Variants in CD164 observed in about 807,000 individuals in gnomAD.
The protein encoded by CD164 is sialomucin core protein 24.
A neutral mutation model predicts 24.6 loss-of-function variants in CD164; 11 were observed. The observed-to-expected ratio is 0.45, with a 90% CI of 0.28 to 0.74. CD164 has a LOEUF of 0.74. CD164 is among the 30% of genes least tolerant of loss of function. CD164 has a pLI of 0.13. For synonymous variants in CD164, 126 were observed against 100.3 expected, an observed-to-expected ratio of 1.26 and a Z score of -1.53; for missense variants, 295 against 243.7, an observed-to-expected ratio of 1.21 and a Z score of -1.40.
chr6:109,381,289 T>C (rs1038817189), intron 1 of CD164, among the ~76,000 whole-genome samples: 6 of 151,306 alleles, frequency 4.0e-5, no homozygotes, highest in African/African-American at 1.5e-4. Flanking sequence ...CCTATGCGAC[T>C]GCACATAACA....
chr6:109,368,034 G>C lies in CD164; in HGVS notation c.*817C>G. The C allele has an allele frequency of 3.3e-6, 1 of 307,230 alleles. No homozygotes were observed. The highest frequency in any genetic ancestry group is 5.4e-5 in the East Asian group (1 of 18,510). 19.0% of individuals were successfully genotyped at this position (307,230 alleles called of 1,614,324 possible). ...AACAGACTTTAGCTTAAGTTTCTCC[G>C]CTCTGAAATAAATTTTCAATAAAAT... On this transcript the variant is annotated 3_prime_UTR_variant, in exon 6 of 6. Transcript: ENST00000310786.
intron 3 of CD164, 40 bp from the exon 4 acceptor site, chr6:109,376,152 G>A (rs1378770684): frequency 6.9e-7 from 1 of 1,459,506 alleles, no homozygotes; most frequent in Non-Finnish European, 9.2e-7. Flanking sequence ...ATACATCAAA[G>A]CTATTTAAAA....
At chr6:109,377,685 CACTT>C (rs1442810968) in intron 3 of CD164, among the ~76,000 whole-genome samples, 3 of 150,416 alleles carry the variant, frequency 2.0e-5, no homozygotes, top group African/African-American at 7.3e-5. Context: ...AACGCATCCA[CACTT>C]ACAGCATCCA....
Position 109,376,054 on chromosome 6 carries a change from A to C in CD164, c.370+20T>G. On this transcript the variant is annotated intron_variant, in intron 4 of 5. Coordinates refer to ENST00000310786, the MANE Select transcript of CD164 (RefSeq NM_006016.6). ...TAAAAATACTGAAGGAAAAGGAAGA[A>C]AACAGTCATCTTGAATTACCTGTAG... 1.3e-6 allele frequency: 2 copies of C among 1,552,262 alleles called. No individual in the cohort carries two copies. The highest frequency in any genetic ancestry group is 1.7e-6 in the Non-Finnish European group (2 of 1,153,834).
chr6:109,376,046 A>T, intron 4 of CD164, 28 bp downstream of exon 4: 1 of 1,535,466 alleles, frequency 6.5e-7, no homozygotes, highest in Non-Finnish European at 8.8e-7. Context: ...ACTGAAGGAA[A>T]AGGAAGAAAA....
intron 1 of CD164, chr6:109,379,927 C>G (rs1164294519): frequency 4.2e-5 from 12 of 287,914 alleles, no homozygotes; most frequent in South Asian, 3.5e-4. Flanking sequence ...TTTCACAGGA[C>G]AACTATTGGA....
At chr6:109,373,523 T>C (rs1771215125) in intron 4 of CD164, among the ~76,000 whole-genome samples, 1 of 152,130 alleles carries the variant, frequency 6.6e-6, no homozygotes, top group Non-Finnish European at 1.5e-5. Context: ...AAGAGAGCTA[T>C]AGCACAAAAG....
intron 1 of CD164, 76 bp downstream of exon 1, chr6:109,382,128 C>T: frequency 7.9e-7 from 1 of 1,273,220 alleles, no homozygotes; most frequent in African/African-American, 1.6e-5. Context: ...GAACCCGGGC[C>T]CCGCCCGCAC....
At chr6:109,382,122 C>T in intron 1 of CD164, 82 bp downstream of exon 1, 1 of 1,237,026 alleles carries the variant, frequency 8.1e-7, no homozygotes, top group Non-Finnish European at 1.0e-6. Flanking sequence ...TGGCCCGAAC[C>T]CGGGCCCCGC....
In CD164 at chr6:109,382,339, A is replaced by G; in HGVS notation, c.40T>C (p.Cys14Arg). 6.4e-7 allele frequency: 1 copy of G among 1,566,558 alleles called. No homozygotes were observed. The highest frequency in any genetic ancestry group is 2.4e-5 in the East Asian group (1 of 42,392). ...GACAGCACGCAGAGCACGCCCAGGC[A>G]GGTGGCGGCCCAAAGCAGTGAGCGG... ...LSRSLLWAAT[C>R]LGVLCVLSAD... The change falls in exon 1 of 6, where the codon TGC becomes CGC. Residue 14 changes from cysteine (C) to arginine (R), a missense_variant. Coordinates refer to ENST00000310786, the MANE Select transcript of CD164 (RefSeq NM_006016.6).
At chr6:109,378,429 GAA>G (rs1311332861) in intron 2 of CD164, among the ~76,000 whole-genome samples, 1 of 145,302 alleles carries the variant, frequency 6.9e-6, no homozygotes, top group Admixed American at 7.1e-5. Context: ...CAAAAATACA[GAA>G]CTCTGTCTCA....
In CD164 at chr6:109,367,528, C is replaced by A. The variant is rs699700; in HGVS notation, c.*1323G>T. On this transcript the variant is annotated 3_prime_UTR_variant, in exon 6 of 6. Transcript: ENST00000310786. ...AGAAGTAAACCTCTAAAACTGAAGA[C>A]GACCCTCTAAAGGAGAAAACTATAG... is the stretch of plus-strand genomic sequence containing the variant. The A allele has an allele frequency of 0.38, 57,559 of 152,214 alleles. 11,267 individuals are homozygous for A. The highest frequency in any genetic ancestry group is 0.51 in the South Asian group (2,456 of 4,824). The allele number at this position is 152,214 out of a possible 1,614,324, so 9.4% of individuals were successfully genotyped here. A position where few individuals can be genotyped will look rare whatever the true frequency, so the allele number is the denominator to read the frequency against.
Position 109,366,557 on chromosome 6 carries a change from C to T in CD164, c.*2294G>A, listed in dbSNP as rs1770767872. 6.6e-6 allele frequency: 1 copy of T among 152,510 alleles called. No individual in the cohort carries two copies. The allele number at this position is 152,510 out of a possible 1,614,324, so 9.4% of individuals were successfully genotyped here. Reference sequence around the variant, plus strand: ...AGATTTATTTTAAGTCAGTTTGGTACATGATACAGATTGGTTTTGCAGTTT... The same window carrying T: ...AGATTTATTTTAAGTCAGTTTGGTATATGATACAGATTGGTTTTGCAGTTT... On this transcript the variant is annotated 3_prime_UTR_variant, in exon 6 of 6. Transcript: ENST00000310786.
Position 109,368,630 on chromosome 6 carries a change from C to T in CD164, c.*221G>A. ...GCAGCAGCTATTTAAAATAAGACAG[C>T]CACAGGATTCATGCAGAATATTTTA... On this transcript the variant is annotated 3_prime_UTR_variant, in exon 6 of 6. Transcript: ENST00000310786. 1 of 1,351,316 alleles carries T rather than the reference C, an allele frequency of 7.4e-7. No homozygotes were observed. Among genetic ancestry groups the T allele is most frequent in the Non-Finnish European group, 9.5e-7 (1 of 1,057,546 alleles). 83.7% of individuals were successfully genotyped at this position (1,351,316 alleles called of 1,614,324 possible). A position where few individuals can be genotyped will look rare whatever the true frequency, so the allele number is the denominator to read the frequency against.
At chr6:109,370,283 A>T in intron 5 of CD164, 128 bp downstream of exon 5, 2 of 722,432 alleles carry the variant, frequency 2.8e-6, no homozygotes, top group South Asian at 3.3e-5. Flanking sequence ...GATCCCCCCT[A>T]AGAGTAAGAG....
Position 109,382,202 on chromosome 6 carries a change from A to C in CD164, c.175+2T>G. 6.5e-7 allele frequency: 1 copy of C among 1,547,826 alleles called. No homozygotes were observed. The highest frequency in any genetic ancestry group is 1.4e-5 in the African/African-American group (1 of 73,032). On this transcript the variant is annotated splice_donor_variant, in intron 1 of 5. Transcript: ENST00000310786. LOFTEE classifies it high-confidence loss of function. ...CGGGAAGCCCACAGGGCCCGCGCCC[A>C]CCTGGTGCCGGAGTGGTGACCAGCG...
At position 109,368,467 on chromosome 6, in the gene CD164, TCTCAATTCTGTTCAC is replaced by T; in HGVS notation, c.*369_*383del. The T allele has an allele frequency of 7.2e-7, 1 of 1,380,270 alleles. No individual in the cohort carries two copies. Among genetic ancestry groups the T allele is most frequent in the Non-Finnish European group, 9.3e-7 (1 of 1,071,980 alleles). The allele number at this position is 1,380,270 out of a possible 1,614,324, so 85.5% of individuals were successfully genotyped here. A position where few individuals can be genotyped will look rare whatever the true frequency, so the allele number is the denominator to read the frequency against. On this transcript the variant is annotated 3_prime_UTR_variant, in exon 6 of 6. Transcript: ENST00000310786. Reference sequence around the variant, plus strand: ...AATTGATTCTCATTTGGCACGTTCTTCTCAATTCTGTTCACTAAATTAAAATTACTAAATTTAAAC... The same window carrying T: ...AATTGATTCTCATTTGGCACGTTCTTTAAATTAAAATTACTAAATTTAAAC...
In CD164 at chr6:109,376,148, C is replaced by G. The variant is rs202232101; in HGVS notation, c.332-36G>C. 2.4e-4 allele frequency: 360 copies of G among 1,479,198 alleles called. 4 individuals carry two copies. The Middle Eastern group carries it at 3.0e-3, about 13-fold the overall frequency. 91.6% of individuals were successfully genotyped at this position (1,479,198 alleles called of 1,614,324 possible). A position where few individuals can be genotyped will look rare whatever the true frequency, so the allele number is the denominator to read the frequency against. ...AAGAAAAAAGAAAAACCATATACAT[C>G]AAAGCTATTTAAAATATCACAATCT... On this transcript the variant is annotated intron_variant, in intron 3 of 5. Coordinates refer to ENST00000310786, the MANE Select transcript of CD164 (RefSeq NM_006016.6).
rs1771614782 is a variant in CD164, at chr6:109,379,568, A to G, written c.259+11T>C. ...ATAACAAAACAGTTTTGCATCCCCAAAGTTTCTTACCTTTACATTCTATCC... is the reference window on the plus strand; with the variant it reads ...ATAACAAAACAGTTTTGCATCCCCAGAGTTTCTTACCTTTACATTCTATCC... On this transcript the variant is annotated intron_variant, in intron 2 of 5. Transcript: ENST00000310786. 1 of 1,592,440 alleles carries G rather than the reference A, an allele frequency of 6.3e-7. No homozygotes were observed.
Sources: gnomAD v4.1 joint callset for allele counts (sites outside exome capture counted in the v4.1 genomes callset) on GRCh38, gnomAD v4.1.1 for gene constraint, MANE v1.5 for transcripts, NCBI Gene and HGNC (gene_info 2026-07-23, HGNC 2026-07-21) for gene names.